ALLC: variants seen among roughly 807,000 people sequenced by gnomAD.
The protein encoded by ALLC is allantoicase, also known as probable inactive allantoicase.
A neutral mutation model predicts 45.0 loss-of-function variants in ALLC; 40 were observed. That is an observed-to-expected ratio of 0.89 (90% CI 0.69 to 1.16). The LOEUF is 1.16. ALLC is among the 50% of genes most tolerant of loss of function. The pLI, the probability that ALLC is intolerant of heterozygous loss-of-function variation, is 0.00. For synonymous variants in ALLC, 176 were observed against 178.1 expected, an observed-to-expected ratio of 0.99 and a Z score of 0.09; for missense variants, 488 against 493.1, an observed-to-expected ratio of 0.99 and a Z score of 0.10.
chr2:3,649,056 G>A, the ALLC span, among the ~76,000 whole-genome samples: 5 of 152,130 alleles, frequency 3.3e-5, no homozygotes, highest in South Asian at 2.1e-4. Context: ...TCTCATGCAC[G>A]CCGTAGACGG....
intron 1 of ALLC, among the ~76,000 whole-genome samples, chr2:3,660,845 G>A (rs1666555722): frequency 6.6e-6 from 1 of 151,520 alleles, no homozygotes; most frequent in South Asian, 2.1e-4. Context: ...GGTGGAGCAG[G>A]TGATCGGAAT....
chr2:3,658,876 CAA>C (rs566003324), intron 1 of ALLC, among the ~76,000 whole-genome samples: 22 of 69,044 alleles, frequency 3.2e-4, no homozygotes, highest in Non-Finnish European at 3.7e-4. Flanking sequence ...GACCCTGTCT[CAA>C]AAAAAAAAAA....
rs1667702195 is a variant in ALLC at position 3,697,387 on chromosome 2, T to A, written c.781T>A (p.Trp261Arg). The A allele has an allele frequency of 6.2e-7, 1 of 1,613,876 alleles. No homozygotes were observed. The highest frequency in any genetic ancestry group is 1.3e-5 in the African/African-American group (1 of 74,926). The stretch of plus-strand genomic sequence containing the variant: ...CATTCTCTTGGTTCCGGGTTGTGAA[T>A]GGGCAGTTTTCCGATTGGCACATCC... ...NGILLVPGCE[W>R]AVFRLAHPGV... The change falls in exon 10 of 12, where the codon TGG (tryptophan) becomes AGG (arginine). Residue 261 changes from tryptophan to arginine, a missense_variant. Transcript: ENST00000252505.
intron 3 of ALLC, 62 bp from the exon 4 acceptor site, chr2:3,678,406 T>G (rs538862556): frequency 3.9e-4 from 562 of 1,436,662 alleles, no homozygotes; most frequent in Non-Finnish European, 5.2e-4. Flanking sequence ...AGAAGTGGAC[T>G]TGCTGGAAGC....
At chr2:3,673,887 A>G (rs1026328892) in intron 2 of ALLC, among the ~76,000 whole-genome samples, 188 bp from the exon 3 acceptor site, 3 of 152,196 alleles carry the variant, frequency 2.0e-5, no homozygotes, top group Non-Finnish European at 2.9e-5. Context: ...AGAGAAGAAG[A>G]AGGAGGAGGC....
chr2:3,669,018 ACTTC>A (rs1241870206), intron 1 of ALLC, among the ~76,000 whole-genome samples: 1 of 151,994 alleles, frequency 6.6e-6, no homozygotes, highest in African/African-American at 2.4e-5. Context: ...GCCCTCATAC[ACTTC>A]CTTCCTTCTC....
upstream of ALLC, among the ~76,000 whole-genome samples, chr2:3,654,958 G>A (rs906655312): frequency 2.0e-5 from 3 of 152,222 alleles, no homozygotes; most frequent in Non-Finnish European, 4.4e-5. Flanking sequence ...AGCAGCATCC[G>A]TGACCTCCCT....
intron 1 of ALLC, among the ~76,000 whole-genome samples, chr2:3,659,633 C>T (rs866242705): frequency 1.6e-4 from 24 of 152,332 alleles, no homozygotes; most frequent in African/African-American, 5.1e-4. Context: ...TCCTTTCTTG[C>T]CTAGACCTTG....
chr2:3,697,660 T>TATCTATC (rs1667715007), intron 10 of ALLC, among the ~76,000 whole-genome samples: 1 of 150,776 alleles, frequency 6.6e-6, no homozygotes, highest in Admixed American at 6.6e-5. Context: ...TCTATCTATC[T>TATCTATC]ATCTATCTTT....
At chr2:3,689,257 G>C (rs1667411744) in intron 7 of ALLC, among the ~76,000 whole-genome samples, 1 of 150,082 alleles carries the variant, frequency 6.7e-6, no homozygotes, top group Non-Finnish European at 1.5e-5. Flanking sequence ...TAGTAATTTT[G>C]GGATTGGTTT....
chr2:3,701,705 G>A, intron 11 of ALLC, 69 bp downstream of exon 11: 2 of 1,495,384 alleles, frequency 1.3e-6, no homozygotes. Context: ...TCTTTTGAAG[G>A]ATTAGGATAC....
rs965037382 is a variant in ALLC, at chr2:3,679,862, T to C, written c.173-7T>C. ...ACGAGACTGCTCTTGTCCTCTGTGT[T>C]GCGCAGGTCACGACTGGTGTGTCCT... On this transcript the variant is annotated splice_region_variant and splice_polypyrimidine_tract_variant and intron_variant, in intron 4 of 11. Transcript: ENST00000252505. 6.2e-7 allele frequency: 1 copy of C among 1,613,708 alleles called. No homozygotes were observed. Among genetic ancestry groups the C allele is most frequent in the Non-Finnish European group, 8.5e-7 (1 of 1,179,888 alleles).
chr2:3,660,869 G>GC (rs889430448), intron 1 of ALLC, among the ~76,000 whole-genome samples: 2 of 152,168 alleles, frequency 1.3e-5, no homozygotes, highest in African/African-American at 2.4e-5. Context: ...TCAGGGTGGA[G>GC]CAGGTGATCG....
chr2:3,681,748 C>T (rs1201553686), intron 6 of ALLC, 35 bp downstream of exon 6: 1 of 1,532,808 alleles, frequency 6.5e-7, no homozygotes, highest in Non-Finnish European at 8.9e-7. Context: ...GTCTTGTCAC[C>T]AATTATTAGG....
chr2:3,680,649 G>A lies in ALLC; in HGVS notation c.298+655G>A, dbSNP rs943658305. Among the ~76,000 whole-genome samples the A allele has an allele frequency of 1.3e-5, 2 of 152,186 alleles. No homozygotes were observed. The highest frequency in any genetic ancestry group is 2.4e-5 in the African/African-American group (1 of 41,444). On this transcript the variant is annotated intron_variant, in intron 5 of 11. Transcript: ENST00000252505. The surrounding 1 kb of genome is among the most constrained non-coding windows in gnomAD (Gnocchi z 4.0). ...CAGAAGCGTGGCCTTGGGCAGCAGCGAGATGGGTAAATCTCTGCACTGTTA... is the reference window on the plus strand; with the variant it reads ...CAGAAGCGTGGCCTTGGGCAGCAGCAAGATGGGTAAATCTCTGCACTGTTA...
chr2:3,702,630 T>A lies in ALLC; in HGVS notation c.*67T>A. The A allele has an allele frequency of 7.0e-7, 1 of 1,426,848 alleles. No individual in the cohort carries two copies. Among genetic ancestry groups the A allele is most frequent in the Non-Finnish European group, 9.3e-7 (1 of 1,072,044 alleles). 88.4% of individuals were successfully genotyped at this position (1,426,848 alleles called of 1,614,324 possible). On this transcript the variant is annotated 3_prime_UTR_variant, in exon 12 of 12. Transcript: ENST00000252505. Reference sequence around the variant, plus strand: ...CCAGTCATAGTCTTCTTTTCAAATGTTTTGAACACCTGGTGATTTAATAAA... The same window carrying A: ...CCAGTCATAGTCTTCTTTTCAAATGATTTGAACACCTGGTGATTTAATAAA...
rs182715542 is a variant in ALLC, at chr2:3,692,663, G to A, written c.512-3054G>A. Among the ~76,000 whole-genome samples, 184 of 152,304 alleles carry A rather than the reference G, an allele frequency of 1.2e-3. 1 individual carries two copies. The highest frequency in any genetic ancestry group is 3.4e-3 in the African/African-American group (143 of 41,564). On this transcript the variant is annotated intron_variant, in intron 7 of 11. Coordinates refer to ENST00000252505, the MANE Select transcript of ALLC (RefSeq NM_018436.4). ...GGAGCATATTCTAGTGGTGTGGGAA[G>A]GTTAGCTAGGTGTTTGTCTCTAGGG...
intron 7 of ALLC, among the ~76,000 whole-genome samples, chr2:3,691,412 C>G (rs1366254429): frequency 6.6e-6 from 1 of 151,944 alleles, no homozygotes; most frequent in Non-Finnish European, 1.5e-5. Flanking sequence ...CACCACCATG[C>G]CTGGCTAATT....
At chr2:3,649,733 A>G in the ALLC span, among the ~76,000 whole-genome samples, 1 of 152,260 alleles carries the variant, frequency 6.6e-6, no homozygotes, top group East Asian at 1.9e-4. Flanking sequence ...TCGCAGGGCA[A>G]CACACCCGCA....
Sources: allele counts gnomAD v4.1 joint callset (sites outside exome capture counted in the v4.1 genomes callset), GRCh38; gene constraint gnomAD v4.1.1; non-coding constraint Gnocchi (gnomAD v3.1); transcripts MANE v1.5; gene names NCBI Gene and HGNC (gene_info 2026-07-23, HGNC 2026-07-21).